BCL2A1: variants seen among roughly 807,000 people sequenced by gnomAD.
BCL2A1 encodes the protein bcl-2-related protein A1.
BCL2A1 carries 10 observed loss-of-function variants against 14.4 expected under a neutral mutation model. The ratio of observed to expected loss-of-function variants is 0.69; its 90% CI spans 0.43 to 1.18. BCL2A1 has a LOEUF of 1.18. Ranked by LOEUF, BCL2A1 falls within the 50% of genes most tolerant of loss-of-function variation. BCL2A1 has a pLI of 0.00. For synonymous variants in BCL2A1, 71 were observed against 76.5 expected (o/e 0.93, Z 0.38); for missense variants, 158 against 205.0 (o/e 0.77, Z 1.40).
At position 79,970,997 on chromosome 15, in the gene BCL2A1, C is replaced by T. The variant is rs374413760; in HGVS notation, c.123G>A (p.Ala41=). 2.3e-5 allele frequency: 37 copies of T among 1,614,082 alleles called. No homozygotes were observed. The highest frequency in any genetic ancestry group is 3.3e-5 in the Admixed American group (2 of 60,000). ...SKTSRVLQNV[A]FSVQKEVEKN... The stretch of plus-strand genomic sequence containing the variant: ...TTTCCACTTCTTTTTGGACTGAGAA[C>T]GCAACATTTTGTAGCACTCTGGACG... Residue 41 remains alanine, a synonymous_variant, in exon 1 of 2, where the codon GCG becomes GCA. Transcript: ENST00000267953.
chr15:79,971,157 A>G lies in BCL2A1; in HGVS notation c.-38T>C. ...GGAGAGCAAAGTCTTGAGCTGGCTC[A>G]CCTTGAAGCTGTTGAGGCAATGTGC... On this transcript the variant is annotated 5_prime_UTR_variant, in exon 1 of 2. Coordinates refer to ENST00000267953, the MANE Select transcript of BCL2A1 (RefSeq NM_004049.4). The G allele has an allele frequency of 6.3e-7, 1 of 1,590,156 alleles. No homozygotes were observed. The highest frequency in any genetic ancestry group is 8.6e-7 in the Non-Finnish European group (1 of 1,165,618).
chr15:79,970,373 G>C (rs1486854048), intron 1 of BCL2A1, among the ~76,000 whole-genome samples: 1 of 152,136 alleles, frequency 6.6e-6, no homozygotes, highest in Non-Finnish European at 1.5e-5. Flanking sequence ...CCTAGCAAAA[G>C]CTAAGTACTA....
intron 1 of BCL2A1, among the ~76,000 whole-genome samples, chr15:79,966,523 T>C (rs898316567): frequency 1.7e-4 from 26 of 152,092 alleles, no homozygotes; most frequent in African/African-American, 6.0e-4. Flanking sequence ...GGAGAATGCT[T>C]CATTGAAGGG....
At chr15:79,967,534 C>A in intron 1 of BCL2A1, 1 of 1,316,410 alleles carries the variant, frequency 7.6e-7, no homozygotes, top group Non-Finnish European at 1.0e-6. Flanking sequence ...ATTGTTGATT[C>A]AAAGTTTTCA....
chr15:79,969,007 A>G (rs1390729771), intron 1 of BCL2A1, among the ~76,000 whole-genome samples: 1 of 152,178 alleles, frequency 6.6e-6, no homozygotes, highest in African/African-American at 2.4e-5. Flanking sequence ...CAATAAGAAA[A>G]AGACAAAATA....
chr15:79,965,329 G>A (rs567050163), intron 1 of BCL2A1, among the ~76,000 whole-genome samples: 233 of 152,132 alleles, frequency 1.5e-3, no homozygotes, highest in African/African-American at 5.4e-3. Context: ...GGGTTTCACT[G>A]TGTTAGCCAG....
intron 1 of BCL2A1, among the ~76,000 whole-genome samples, chr15:79,965,456 G>A (rs541624187): frequency 1.3e-5 from 2 of 152,144 alleles, no homozygotes; most frequent in East Asian, 1.9e-4. Flanking sequence ...CGCTGTGGGG[G>A]CTATGTGGAA....
In BCL2A1 at chr15:79,970,899, A is replaced by G; in HGVS notation, c.221T>C (p.Val74Ala). The G allele has an allele frequency of 1.9e-6, 3 of 1,614,124 alleles. No homozygotes were observed. The highest frequency in any genetic ancestry group is 2.5e-6 in the Non-Finnish European group (3 of 1,180,006). Residue 74 changes from valine (V) to alanine (A), a missense_variant, in exon 1 of 2, where the codon GTG (valine) becomes GCG (alanine). Coordinates refer to ENST00000267953, the MANE Select transcript of BCL2A1 (RefSeq NM_004049.4). Reference sequence around the variant, plus strand: ...GCCGTCTTCAAACTCCTTTTCCATCACTTGGTTGAATAGTGTTCTGGCAGT... The same window carrying G: ...GCCGTCTTCAAACTCCTTTTCCATCGCTTGGTTGAATAGTGTTCTGGCAGT... The part of the protein sequence containing the change: ...VDTARTLFNQ[V>A]MEKEFEDGII...
intron 1 of BCL2A1, among the ~76,000 whole-genome samples, chr15:79,966,731 C>G (rs1412230062): frequency 6.7e-6 from 1 of 148,936 alleles, no homozygotes. Flanking sequence ...ATTAGGAGAG[C>G]GGACAGGAGG....
At chr15:79,962,406 CCT>C (rs2141703270) in intron 1 of BCL2A1, among the ~76,000 whole-genome samples, 1 of 152,130 alleles carries the variant, frequency 6.6e-6, no homozygotes, top group African/African-American at 2.4e-5. Context: ...GGAAACTGGC[CCT>C]CTCTCTTCTT....
intron 1 of BCL2A1, among the ~76,000 whole-genome samples, chr15:79,965,373 C>T (rs1453473476): frequency 2.0e-5 from 3 of 152,116 alleles, no homozygotes; most frequent in East Asian, 1.9e-4. Flanking sequence ...GTGATCCGCC[C>T]GCCTCGGCCT....
At chr15:79,964,200 G>A (rs977625762) in intron 1 of BCL2A1, among the ~76,000 whole-genome samples, 1 of 152,096 alleles carries the variant, frequency 6.6e-6, no homozygotes, top group African/African-American at 2.4e-5. Context: ...ATTATTTCTG[G>A]GAATGGTGAT....
intron 1 of BCL2A1, among the ~76,000 whole-genome samples, chr15:79,966,061 C>T (rs1359037716): frequency 6.6e-6 from 1 of 152,028 alleles, no homozygotes; most frequent in Non-Finnish European, 1.5e-5. Flanking sequence ...GTACATCCTA[C>T]TTCAGAAGGG....
intron 1 of BCL2A1, among the ~76,000 whole-genome samples, chr15:79,961,589 CT>C (rs35477622): frequency 6.0e-5 from 9 of 151,188 alleles, no homozygotes; most frequent in Middle Eastern, 3.4e-3. Flanking sequence ...GATAGAAAGC[CT>C]TTTTTTTTCT....
intron 1 of BCL2A1, 150 bp from the exon 2 acceptor site, chr15:79,961,324 G>A: frequency 1.4e-6 from 1 of 729,112 alleles, no homozygotes; most frequent in Non-Finnish European, 2.2e-6. Context: ...CAGAAATACA[G>A]TGTGACCTAC....
At chr15:79,963,982 C>G (rs1185005414) in intron 1 of BCL2A1, among the ~76,000 whole-genome samples, 2 of 152,116 alleles carry the variant, frequency 1.3e-5, no homozygotes, top group Non-Finnish European at 2.9e-5. Flanking sequence ...CTCTTGTGCA[C>G]CCTAATTATA....
intron 1 of BCL2A1, among the ~76,000 whole-genome samples, chr15:79,965,620 A>C (rs1348474654): frequency 1.3e-5 from 2 of 152,142 alleles, no homozygotes; most frequent in African/African-American, 4.8e-5. Flanking sequence ...GATGTGGGCT[A>C]TGAGAGACAG....
rs748316185 is a variant in BCL2A1, at chr15:79,970,934, CACA to C, written c.183_185del (p.Val62del). On this transcript the variant is annotated inframe_deletion, in exon 1 of 2. Transcript: ENST00000267953. ...ATAGTGTTCTGGCAGTGTCTACGGA[CACA>C]ACATTAACATTGTCCAAGCATGACT... 5.0e-6 allele frequency: 8 copies of C among 1,614,214 alleles called. No homozygotes were observed. Among genetic ancestry groups the C allele is most frequent in the Non-Finnish European group, 6.8e-6 (8 of 1,180,030 alleles).
In BCL2A1 at chr15:79,971,054, C is replaced by T; in HGVS notation, c.66G>A (p.Gln22=). The T allele has an allele frequency of 6.2e-7, 1 of 1,614,176 alleles. No individual in the cohort carries two copies. Among genetic ancestry groups the T allele is most frequent in the South Asian group, 1.1e-5 (1 of 91,086 alleles). The change falls in exon 1 of 2, where the codon CAG becomes CAA. Residue 22 remains glutamine, a synonymous_variant. Transcript: ENST00000267953. The part of the protein sequence containing the change: ...LAQDYLQCVL[Q]IPQPGSGPSK... ...TTGGACCTGATCCAGGTTGTGGTAT[C>T]TGTAGGACGCACTGCAGATAGTCCT... is the stretch of plus-strand genomic sequence containing the variant.
Sources: gnomAD v4.1 joint callset for allele counts (sites outside exome capture counted in the v4.1 genomes callset) on GRCh38, gnomAD v4.1.1 for gene constraint, MANE v1.5 for transcripts, NCBI Gene and HGNC (gene_info 2026-07-23, HGNC 2026-07-21) for gene names.